The following CAMTA1 variants were observed in gnomAD, a reference collection of about 807,000 sequenced individuals.
CAMTA1 encodes the protein calmodulin-binding transcription activator 1.
CAMTA1 carries 27 observed loss-of-function variants against 170.9 expected under a neutral mutation model. The observed-to-expected ratio is 0.16, with a 90% CI of 0.12 to 0.22. CAMTA1 has a LOEUF of 0.22. Among genes scored for constraint, CAMTA1 ranks in the 10% least tolerant of loss-of-function variants. The probability of loss-of-function intolerance (pLI) is 1.00; values close to 1 mark genes in which losing one functional copy is unlikely to be tolerated. For synonymous variants in CAMTA1, 833 were observed against 891.5 expected, an observed-to-expected ratio of 0.93 and a Z score of 1.17; for missense variants, 1,619 against 2,217.2, an observed-to-expected ratio of 0.73 and a Z score of 5.42.
intron 3 of CAMTA1, among the ~76,000 whole-genome samples, chr1:6,932,104 C>G (rs1490279820): frequency 8.5e-5 from 13 of 152,180 alleles, no homozygotes; most frequent in Non-Finnish European, 1.8e-4. Context: ...TCTGGCATCA[C>G]CATCGCCAAA....
chr1:6,928,566 G>A (rs1034132196), intron 3 of CAMTA1, among the ~76,000 whole-genome samples: 4 of 151,796 alleles, frequency 2.6e-5, no homozygotes, highest in Admixed American at 6.6e-5. Context: ...GATGCCTGCC[G>A]TTGCCTGTTC....
chr1:7,005,124 G>T (rs1198401334), intron 3 of CAMTA1, among the ~76,000 whole-genome samples: 1 of 152,214 alleles, frequency 6.6e-6, no homozygotes, highest in Non-Finnish European at 1.5e-5. Context: ...GCTGCAAGAT[G>T]ATTACAATGC....
At chr1:7,260,041 G>T (rs928247414) in intron 5 of CAMTA1, among the ~76,000 whole-genome samples, 2 of 152,182 alleles carry the variant, frequency 1.3e-5, no homozygotes, top group Non-Finnish European at 2.9e-5. Context: ...AATCTTTTCA[G>T]TTTTGCGAGC....
At chr1:7,103,822 A>G (rs185903336) in intron 4 of CAMTA1, among the ~76,000 whole-genome samples, 1 of 108,440 alleles carries the variant, frequency 9.2e-6, no homozygotes, top group Non-Finnish European at 1.8e-5. Context: ...AACTACACAC[A>G]TGCACACACA....
At chr1:6,930,700 G>A (rs1488713871) in intron 3 of CAMTA1, among the ~76,000 whole-genome samples, 3 of 152,190 alleles carry the variant, frequency 2.0e-5, no homozygotes, top group African/African-American at 4.8e-5. Flanking sequence ...CCCCTCTTGG[G>A]GAGCAAGGGA....
At chr1:7,466,551 A>G (rs1169971633) in intron 5 of CAMTA1, among the ~76,000 whole-genome samples, 1 of 152,236 alleles carries the variant, frequency 6.6e-6, no homozygotes, top group Admixed American at 6.5e-5. Context: ...TGAAAGCTTT[A>G]AAGCAGAGCT....
At chr1:6,963,279 C>A (rs1386120780) in intron 3 of CAMTA1, among the ~76,000 whole-genome samples, 1 of 24,018 alleles carries the variant, frequency 4.2e-5, no homozygotes, top group East Asian at 4.1e-3. Flanking sequence ...TGGCCCCCCC[C>A]CCCCCCCCGC....
intron 11 of CAMTA1, among the ~76,000 whole-genome samples, chr1:7,678,070 C>T (rs2096141272): frequency 6.6e-6 from 1 of 152,170 alleles, no homozygotes; most frequent in African/African-American, 2.4e-5. Context: ...GCGAAGGACC[C>T]CAGGCAGCAA....
rs2095245795 is a variant in CAMTA1 at position 7,580,050 on chromosome 1, T to C, written c.511-60350T>C. Among the ~76,000 whole-genome samples the C allele has an allele frequency of 6.6e-6, 1 of 152,252 alleles. No homozygotes were observed. Among genetic ancestry groups the C allele is most frequent in the Admixed American group, 6.5e-5 (1 of 15,286 alleles). On this transcript the variant is annotated intron_variant, in intron 6 of 22. Coordinates refer to ENST00000303635, the MANE Select transcript of CAMTA1 (RefSeq NM_015215.4). The surrounding 1 kb of genome is among the most constrained non-coding windows in gnomAD (Gnocchi z 4.3). ...CTCCGGTCAACTCACAACTCACACA[T>C]GCATTCTGGCCTCTGGCCTGTGCCA...
intron 3 of CAMTA1, among the ~76,000 whole-genome samples, chr1:6,943,425 C>T (rs889319261): frequency 1.3e-5 from 2 of 152,128 alleles, no homozygotes; most frequent in African/African-American, 2.4e-5. Flanking sequence ...CTGTCCTGCA[C>T]CAGAAATAGG....
At chr1:7,139,201 A>AT (rs1558155016) in intron 4 of CAMTA1, among the ~76,000 whole-genome samples, 1 of 102,608 alleles carries the variant, frequency 9.7e-6, no homozygotes, top group African/African-American at 3.1e-5. Context: ...TATATTTATA[A>AT]TATTTATAAA....
intron 4 of CAMTA1, among the ~76,000 whole-genome samples, chr1:7,221,874 T>G (rs74051196): frequency 6.6e-6 from 1 of 151,222 alleles, no homozygotes; most frequent in Admixed American, 6.6e-5. Context: ...ACCCCTGCCT[T>G]CCTTCAGAGG....
At chr1:7,678,322 A>G (rs1396374108) in intron 11 of CAMTA1, among the ~76,000 whole-genome samples, 1 of 151,598 alleles carries the variant, frequency 6.6e-6, no homozygotes, top group Non-Finnish European at 1.5e-5. Context: ...TTTTAATTCC[A>G]CCTCTGGCCT....
chr1:7,497,550 C>T (rs1056896073), intron 6 of CAMTA1, among the ~76,000 whole-genome samples: 6 of 152,224 alleles, frequency 3.9e-5, no homozygotes, highest in African/African-American at 1.4e-4. Flanking sequence ...TGTTGCTTCA[C>T]CCACACGTTC....
chr1:6,800,155 A>G (rs1643548175), intron 1 of CAMTA1, among the ~76,000 whole-genome samples: 1 of 152,034 alleles, frequency 6.6e-6, no homozygotes, highest in African/African-American at 2.4e-5. Context: ...CCTATAATCT[A>G]AGCACTTTGG....
intron 5 of CAMTA1, among the ~76,000 whole-genome samples, chr1:7,334,450 G>A (rs984895874): frequency 5.3e-5 from 8 of 152,198 alleles, no homozygotes; most frequent in African/African-American, 7.2e-5. Context: ...ATGCGGAAAC[G>A]GAATTTCTGC....
chr1:7,156,476 G>A (rs928762155), intron 4 of CAMTA1, among the ~76,000 whole-genome samples: 2 of 152,192 alleles, frequency 1.3e-5, no homozygotes, highest in Non-Finnish European at 2.9e-5. Context: ...GGGAGGTGAT[G>A]TCTGAACTGA....
At chr1:7,510,015 A>AC (rs199998660) in intron 6 of CAMTA1, among the ~76,000 whole-genome samples, 3,963 of 105,650 alleles carry the variant, frequency 0.038, 354 homozygotes, top group African/African-American at 0.11. Context: ...ACAAACAACA[A>AC]AAAAAAAAAA....
intron 5 of CAMTA1, among the ~76,000 whole-genome samples, chr1:7,427,114 CAGG>C (rs536016712): frequency 5.1e-4 from 77 of 152,242 alleles, no homozygotes; most frequent in African/African-American, 1.6e-3. Flanking sequence ...AGGTGGGGGA[CAGG>C]AGGTGTCTGA....
Sources: allele counts gnomAD v4.1 joint callset (sites outside exome capture counted in the v4.1 genomes callset), GRCh38; gene constraint gnomAD v4.1.1; non-coding constraint Gnocchi (gnomAD v3.1); transcripts MANE v1.5; gene names NCBI Gene and HGNC (gene_info 2026-07-23, HGNC 2026-07-21).